The following DCAF1 variants were observed in gnomAD, a reference collection of about 807,000 sequenced individuals.
The protein encoded by DCAF1 is DDB1 and CUL4 associated factor 1, also known as DDB1- and CUL4-associated factor 1.
A neutral mutation model predicts 128.0 loss-of-function variants in DCAF1; 15 were observed. That is an observed-to-expected ratio of 0.12 (90% CI 0.08 to 0.18). The LOEUF (loss-of-function observed/expected upper bound fraction) is 0.18, where lower values mean the gene tolerates loss of function less well. Among genes scored for constraint, DCAF1 ranks in the 10% least tolerant of loss-of-function variants. DCAF1 has a pLI of 1.00. For synonymous variants in DCAF1, 610 were observed against 603.0 expected, an observed-to-expected ratio of 1.01 and a Z score of -0.17; for missense variants, 988 against 1,649.5, an observed-to-expected ratio of 0.60 and a Z score of 6.95.
At position 51,448,676 on chromosome 3, in the gene DCAF1, A is replaced by G. The variant is rs538081608; in HGVS notation, c.376-4773T>C. Among the ~76,000 whole-genome samples the G allele has an allele frequency of 3.3e-5, 5 of 152,370 alleles. No homozygotes were observed. The East Asian group carries it at 9.6e-4, about 29-fold the overall frequency. ...GGACTAAGTACATTCAAAATGTTAA[A>G]TAACTATTACCGGTATAGTATCTAT... On this transcript the variant is annotated intron_variant, in intron 6 of 24. Coordinates refer to ENST00000684031, the MANE Select transcript of DCAF1 (RefSeq NM_001387579.1).
chr3:51,427,551 G>A lies in DCAF1; in HGVS notation c.1678-10C>T. The A allele has an allele frequency of 1.5e-6, 1 of 663,832 alleles. No individual in the cohort carries two copies. Among genetic ancestry groups the A allele is most frequent in the Non-Finnish European group, 2.8e-6 (1 of 362,348 alleles). The allele number at this position is 663,832 out of a possible 1,614,324, so 41.1% of individuals were successfully genotyped here. A position where few individuals can be genotyped will look rare whatever the true frequency, so the allele number is the denominator to read the frequency against. ...GAGTATATGAGCATGCCTATAAGGA[G>A]AGATATATAGTATTATTATTATATA... On this transcript the variant is annotated splice_polypyrimidine_tract_variant and intron_variant, in intron 12 of 24. Transcript: ENST00000684031.
intron 2 of DCAF1, among the ~76,000 whole-genome samples, chr3:51,490,887 C>CTG (rs1201403752): frequency 4.6e-5 from 7 of 152,124 alleles, no homozygotes; most frequent in Non-Finnish European, 8.8e-5. Context: ...GATCGTGCCA[C>CTG]TGCACTCCAG....
At chr3:51,496,166 C>T (rs918622934) in intron 2 of DCAF1, among the ~76,000 whole-genome samples, 2 of 152,160 alleles carry the variant, frequency 1.3e-5, no homozygotes, top group African/African-American at 4.8e-5. Context: ...GTGGCTCACG[C>T]CTGTAATCCC....
At chr3:51,456,192 C>T (rs555906896) in intron 6 of DCAF1, among the ~76,000 whole-genome samples, 15 of 152,300 alleles carry the variant, frequency 9.8e-5, no homozygotes, top group African/African-American at 3.4e-4. Flanking sequence ...CCTGGAAAAT[C>T]GGATCACTCC....
intron 2 of DCAF1, among the ~76,000 whole-genome samples, chr3:51,491,026 G>A (rs1707569958): frequency 7.0e-6 from 1 of 142,142 alleles, no homozygotes; most frequent in Admixed American, 7.3e-5. Context: ...ACCTGAATAG[G>A]CACAACAATC....
intron 6 of DCAF1, among the ~76,000 whole-genome samples, chr3:51,454,614 C>T (rs1401299559): frequency 4.6e-5 from 7 of 152,108 alleles, no homozygotes; most frequent in South Asian, 2.1e-4. Flanking sequence ...CTACCTGCCT[C>T]GGCCTCCCAA....
At chr3:51,401,843 C>T (rs1406614348) in intron 24 of DCAF1, among the ~76,000 whole-genome samples, 8 of 152,196 alleles carry the variant, frequency 5.3e-5, no homozygotes, top group African/African-American at 1.7e-4. Context: ...GTGACAAAAA[C>T]GTTCATTAAA....
intron 24 of DCAF1, among the ~76,000 whole-genome samples, chr3:51,402,693 G>A (rs1483012157): frequency 1.4e-5 from 2 of 143,934 alleles, no homozygotes; most frequent in Non-Finnish European, 3.0e-5. Context: ...TCCTGCCTCA[G>A]CCTCCCAAGT....
At chr3:51,463,482 A>T (rs1703822540) in intron 5 of DCAF1, among the ~76,000 whole-genome samples, 1 of 152,166 alleles carries the variant, frequency 6.6e-6, no homozygotes, top group African/African-American at 2.4e-5. Context: ...CTCAGCAATC[A>T]TAGAAATTAA....
chr3:51,423,237 A>AGAG (rs1699579006), intron 13 of DCAF1, among the ~76,000 whole-genome samples: 1 of 152,174 alleles, frequency 6.6e-6, no homozygotes. Context: ...CATGCCTGTA[A>AGAG]TCCTAGTGCT....
At chr3:51,477,317 G>GAAA (rs879994170) in intron 3 of DCAF1, among the ~76,000 whole-genome samples, 1 of 111,788 alleles carries the variant, frequency 8.9e-6, no homozygotes. Flanking sequence ...GATGAGTGAA[G>GAAA]AAAAAAAAAA....
intron 24 of DCAF1, 25 bp from the exon 25 acceptor site, chr3:51,398,852 C>A: frequency 6.4e-7 from 1 of 1,569,758 alleles, no homozygotes; most frequent in East Asian, 2.3e-5. Context: ...AAGGGAGAGA[C>A]AAGATTACAC....
chr3:51,486,589 G>T (rs1706983068), intron 2 of DCAF1, among the ~76,000 whole-genome samples: 1 of 151,960 alleles, frequency 6.6e-6, no homozygotes, highest in South Asian at 2.1e-4. Flanking sequence ...GAAAACTCAG[G>T]TTGCATATTT....
Position 51,420,034 on chromosome 3 carries a change from G to A in DCAF1, c.2936C>T (p.Ser979Leu), listed in dbSNP as rs782208874. The A allele has an allele frequency of 5.6e-6, 9 of 1,614,000 alleles. No individual in the cohort carries two copies. The highest frequency in any genetic ancestry group is 1.1e-5 in the South Asian group (1 of 91,080). The stretch of plus-strand genomic sequence containing the variant: ...GCTTTGGCTGTAGGCACCATGGTCC[G>A]ACTTCTGCCGCAACACTCTGATTTT... ...GRKIRVLRQKSDHGAYSQSPA... is the reference protein window; with the variant it reads ...GRKIRVLRQKLDHGAYSQSPA... Residue 979 changes from serine to leucine, a missense_variant, in exon 15 of 25, where the codon TCG (serine) becomes TTG (leucine). Around this residue, in one of 11 missense-constraint regions of DCAF1, gnomAD observed 105 missense variants for 266.7 expected, o/e 0.39. Coordinates refer to ENST00000684031, the MANE Select transcript of DCAF1 (RefSeq NM_001387579.1). The surrounding 1 kb of genome is among the most constrained non-coding windows in gnomAD (Gnocchi z 6.5).
At chr3:51,471,252 T>G (rs2108216659) in intron 3 of DCAF1, among the ~76,000 whole-genome samples, 2 of 151,392 alleles carry the variant, frequency 1.3e-5, no homozygotes, top group African/African-American at 4.8e-5. Flanking sequence ...GGTGTGATCT[T>G]GGCTCACTGC....
At chr3:51,446,508 A>G (rs898870099) in intron 6 of DCAF1, among the ~76,000 whole-genome samples, 1 of 152,000 alleles carries the variant, frequency 6.6e-6, no homozygotes, top group Non-Finnish European at 1.5e-5. Flanking sequence ...GTGGACTCCT[A>G]TAGTTCACGC....
intron 13 of DCAF1, 85 bp downstream of exon 13, chr3:51,427,284 TTTG>T (rs1699988940): frequency 3.5e-6 from 2 of 566,572 alleles, no homozygotes; most frequent in South Asian, 2.7e-5. Flanking sequence ...TCAACAAATG[TTTG>T]TTAAGCATAT....
intron 14 of DCAF1, among the ~76,000 whole-genome samples, chr3:51,421,794 T>C (rs1432814158): frequency 1.3e-5 from 2 of 152,184 alleles, no homozygotes; most frequent in African/African-American, 2.4e-5. Flanking sequence ...TATATTTTCC[T>C]TTTTTTATAT....
intron 7 of DCAF1, among the ~76,000 whole-genome samples, chr3:51,442,181 C>T (rs1446229462): frequency 6.6e-6 from 1 of 152,096 alleles, no homozygotes; most frequent in African/African-American, 2.4e-5. Context: ...TTGACCTGGA[C>T]CATCACACCT....
Sources: gnomAD v4.1 joint callset for allele counts (sites outside exome capture counted in the v4.1 genomes callset) on GRCh38, gnomAD v4.1.1 for gene constraint, gnomAD v4.1.1 regional missense constraint, Gnocchi (gnomAD v3.1) non-coding constraint, MANE v1.5 for transcripts, NCBI Gene and HGNC (gene_info 2026-07-23, HGNC 2026-07-21) for gene names.